The following PAXIP1 variants were observed in gnomAD, a reference collection of about 807,000 sequenced individuals.
PAXIP1 encodes the protein PAX-interacting protein 1.
In PAXIP1, 19 loss-of-function variants were observed where a neutral mutation model predicts 140.6. The observed-to-expected ratio is 0.14, with a 90% confidence interval of 0.09 to 0.20. PAXIP1 has a LOEUF of 0.20. Ranked by LOEUF, PAXIP1 falls within the 10% of genes least tolerant of loss-of-function variation. PAXIP1 has a pLI of 1.00. For missense variants in PAXIP1, 920 were observed against 1,208.6 expected, an observed-to-expected ratio of 0.76 and a Z score of 3.54; for synonymous variants, 442 against 444.6, an observed-to-expected ratio of 0.99 and a Z score of 0.07.
chr7:154,970,387 T>C (rs1809244023), intron 6 of PAXIP1, among the ~76,000 whole-genome samples: 1 of 152,216 alleles, frequency 6.6e-6, no homozygotes, highest in Admixed American at 6.5e-5. Flanking sequence ...ATTTTGGATT[T>C]AGTAATAAAT....
chr7:154,976,555 G>C (rs1809591758), intron 5 of PAXIP1, among the ~76,000 whole-genome samples: 1 of 152,226 alleles, frequency 6.6e-6, no homozygotes, highest in African/African-American at 2.4e-5. Context: ...TCTCACACCT[G>C]TAGCAGGAGT....
At position 154,998,692 on chromosome 7, in the gene PAXIP1, C is replaced by A. The variant is rs371741588; in HGVS notation, c.174G>T (p.Glu58Asp). ...HIISEDGDNP[E>D]VGEAREVFDL... ...CAAAGACTTCCCGAGCTTCTCCCAC[C>A]TCTGGATTGTCCCCATCCTCTGAGA... The change falls in exon 2 of 21, where the codon GAG becomes GAT. Residue 58 changes from glutamate to aspartate, a missense_variant. This residue lies in a region of PAXIP1 where 419 missense variants were observed against 514.7 expected (regional missense o/e 0.81). Coordinates refer to ENST00000404141, the MANE Select transcript of PAXIP1 (RefSeq NM_007349.4). The A allele has an allele frequency of 1.9e-6, 3 of 1,613,642 alleles. No individual in the cohort carries two copies. The highest frequency in any genetic ancestry group is 2.5e-6 in the Non-Finnish European group (3 of 1,179,622).
chr7:155,002,315 C>T (rs920254434), intron 1 of PAXIP1, among the ~76,000 whole-genome samples: 5 of 152,202 alleles, frequency 3.3e-5, no homozygotes, highest in Non-Finnish European at 7.4e-5. Context: ...GAGCGCTCCT[C>T]AGCCCCGCAC....
In PAXIP1 at chr7:154,963,323, G is replaced by A. The variant is rs987417317; in HGVS notation, c.1989+348C>T. ...CCTGAGTAGCTGGGATTAGAGCTGC[G>A]CACCACCACACCTGGCTAATTTTTG... On this transcript the variant is annotated intron_variant, in intron 9 of 20. Transcript: ENST00000404141. The surrounding 1 kb of genome is among the most constrained non-coding windows in gnomAD (Gnocchi z 4.1). 6.6e-6 allele frequency among the ~76,000 whole-genome samples: 1 copy of A among 151,920 alleles called. No homozygotes were observed. The highest frequency in any genetic ancestry group is 1.9e-4 in the East Asian group (1 of 5,180).
rs1809426242 is a variant in PAXIP1 at position 154,973,482 on chromosome 7, G to T, written c.1074+2214C>A. Among the ~76,000 whole-genome samples the T allele has an allele frequency of 6.6e-6, 1 of 152,076 alleles. No homozygotes were observed. Among genetic ancestry groups the T allele is most frequent in the African/African-American group, 2.4e-5 (1 of 41,388 alleles). On this transcript the variant is annotated intron_variant, in intron 6 of 20. Transcript: ENST00000404141. The surrounding 1 kb of genome is among the most constrained non-coding windows in gnomAD (Gnocchi z 4.0). ...ATCTTCTATTCTCCTCAAACCCGAT[G>T]ACCTTCTCTCTCTGCTCACCTTCTC... is the stretch of plus-strand genomic sequence containing the variant.
At chr7:154,981,147 G>T (rs1809823426) in intron 5 of PAXIP1, among the ~76,000 whole-genome samples, 1 of 152,054 alleles carries the variant, frequency 6.6e-6, no homozygotes, top group African/African-American at 2.4e-5. Context: ...ACTTAGGAAT[G>T]GTAATGTGTA....
chr7:154,946,110 C>T lies in PAXIP1; in HGVS notation c.3194+255G>A, dbSNP rs1451189225. On this transcript the variant is annotated intron_variant, in intron 20 of 20. Transcript: ENST00000404141. This position sits in a 1 kb window ranked among gnomAD's most constrained non-coding sequence, Gnocchi z 4.9. ...CTAATTGTCAAATTCTTTAATACCTCCATAAACTAGACAGTATAGATCCTT... is the reference window on the plus strand; with the variant it reads ...CTAATTGTCAAATTCTTTAATACCTTCATAAACTAGACAGTATAGATCCTT... 3.1e-6 allele frequency: 3 copies of T among 973,840 alleles called. No homozygotes were observed. Among genetic ancestry groups the T allele is most frequent in the Admixed American group, 6.2e-5 (1 of 16,258 alleles). 60.3% of individuals were successfully genotyped at this position (973,840 alleles called of 1,614,324 possible).
At chr7:154,974,942 C>G (rs2150764876) in intron 6 of PAXIP1, among the ~76,000 whole-genome samples, 1 of 140,334 alleles carries the variant, frequency 7.1e-6, no homozygotes, top group South Asian at 2.2e-4. Context: ...ATCAAGAGTT[C>G]AAAACCAGGC....
At chr7:154,964,116 A>G (rs568724330) in intron 8 of PAXIP1, 55 of 184,968 alleles carry the variant, frequency 3.0e-4, no homozygotes, top group African/African-American at 1.2e-3. Context: ...AGTGTCCCCA[A>G]CTTCTACCCA....
At chr7:154,989,102 A>C (rs1032949153) in intron 4 of PAXIP1, among the ~76,000 whole-genome samples, 3 of 152,220 alleles carry the variant, frequency 2.0e-5, no homozygotes, top group Non-Finnish European at 2.9e-5. Flanking sequence ...AAATAAGCCA[A>C]TTTTGCTACT....
intron 3 of PAXIP1, among the ~76,000 whole-genome samples, chr7:154,993,367 A>T (rs1055767049): frequency 6.6e-6 from 1 of 152,202 alleles, no homozygotes; most frequent in Non-Finnish European, 1.5e-5. Context: ...TTTTATTCTC[A>T]TGTTCTCTTC....
chr7:154,961,118 A>T, intron 11 of PAXIP1, 41 bp from the exon 12 acceptor site: 1 of 1,374,152 alleles, frequency 7.3e-7, no homozygotes, highest in Non-Finnish European at 9.9e-7. Context: ...ATTAAATGTT[A>T]GAGATGTCAA....
upstream of PAXIP1, chr7:155,003,372 G>A (rs1043099755): frequency 6.6e-6 from 1 of 152,056 alleles, no homozygotes; most frequent in Non-Finnish European, 1.5e-5. Flanking sequence ...CCGGTCCCGG[G>A]GAGGAGGGGA....
chr7:154,945,801 T>C, intron 20 of PAXIP1: 3 of 984,680 alleles, frequency 3.0e-6, no homozygotes, highest in Non-Finnish European at 3.6e-6. Flanking sequence ...AGATTTTTAA[T>C]AAGGAATTCA....
chr7:154,964,851 T>C (rs1808933093), intron 8 of PAXIP1: 1 of 152,262 alleles, frequency 6.6e-6, no homozygotes. Flanking sequence ...AAACTTTGGT[T>C]TTCCCTGGTG....
At chr7:154,981,099 C>T (rs1402575808) in intron 5 of PAXIP1, among the ~76,000 whole-genome samples, 4 of 151,354 alleles carry the variant, frequency 2.6e-5, no homozygotes, top group Admixed American at 6.6e-5. Context: ...CCAGCCTGGG[C>T]GACAGAGTGA....
At chr7:154,969,436 G>T (rs1221962011) in intron 6 of PAXIP1, among the ~76,000 whole-genome samples, 2 of 152,236 alleles carry the variant, frequency 1.3e-5, no homozygotes, top group African/African-American at 2.4e-5. Flanking sequence ...GCAGGGCATG[G>T]GAGTCCTGTG....
chr7:154,995,848 T>A (rs2150787242), intron 2 of PAXIP1, among the ~76,000 whole-genome samples: 1 of 152,190 alleles, frequency 6.6e-6, no homozygotes, highest in Admixed American at 6.5e-5. Context: ...GAAAAAAAAT[T>A]AAATAAAATA....
At chr7:154,980,439 G>C (rs959165179) in intron 5 of PAXIP1, among the ~76,000 whole-genome samples, 1 of 151,992 alleles carries the variant, frequency 6.6e-6, no homozygotes, top group African/African-American at 2.4e-5. Context: ...TTTTGAAGCA[G>C]GGTCTCACTT....
Sources: allele counts gnomAD v4.1 joint callset (sites outside exome capture counted in the v4.1 genomes callset), GRCh38; gene constraint gnomAD v4.1.1; regional missense constraint gnomAD v4.1.1; non-coding constraint Gnocchi (gnomAD v3.1); transcripts MANE v1.5; gene names NCBI Gene and HGNC (gene_info 2026-07-23, HGNC 2026-07-21).